Variants in CRYBG1 observed in about 807,000 individuals in gnomAD.
The protein encoded by CRYBG1 is crystallin beta-gamma domain containing 1.
In CRYBG1, 139 loss-of-function variants were observed where a neutral mutation model predicts 189.2. The observed-to-expected ratio is 0.73, with a 90% CI of 0.64 to 0.85. CRYBG1 has a LOEUF of 0.85. Among genes scored for constraint, CRYBG1 ranks in the 40% least tolerant of loss-of-function variants. The pLI, the probability that CRYBG1 is intolerant of heterozygous loss-of-function variation, is 0.00. For missense variants in CRYBG1, 2,611 were observed against 2,675.8 expected (o/e 0.98, Z 0.53); for synonymous variants, 1,023 against 1,017.1 (o/e 1.01, Z -0.11).
chr6:106,480,264 A>C (rs1189487528), intron 2 of CRYBG1, among the ~76,000 whole-genome samples: 1 of 152,118 alleles, frequency 6.6e-6, no homozygotes, highest in Non-Finnish European at 1.5e-5. Context: ...AAAGTGATGC[A>C]GGCCATAAAA....
At chr6:106,559,630 C>T (rs924288228) in intron 18 of CRYBG1, among the ~76,000 whole-genome samples, 2 of 151,822 alleles carry the variant, frequency 1.3e-5, no homozygotes, top group Admixed American at 6.6e-5. Context: ...CTAAAAAATA[C>T]AAAAATTAGC....
At chr6:106,423,091 G>A (rs1771158973) in intron 1 of CRYBG1, among the ~76,000 whole-genome samples, 3 of 152,036 alleles carry the variant, frequency 2.0e-5, no homozygotes, top group Admixed American at 2.0e-4. Flanking sequence ...TTGGTGTTAT[G>A]GAAAGAATCC....
intron 8 of CRYBG1, 119 bp from the exon 9 acceptor site, chr6:106,539,284 T>C (rs1774075766): frequency 4.3e-6 from 5 of 1,166,256 alleles, no homozygotes; most frequent in Non-Finnish European, 6.1e-6. Context: ...CAACCATTCA[T>C]TATGTAGGTC....
intron 2 of CRYBG1, among the ~76,000 whole-genome samples, chr6:106,475,865 TAA>T (rs1370624227): frequency 1.3e-5 from 2 of 152,190 alleles, no homozygotes; most frequent in African/African-American, 4.8e-5. Flanking sequence ...TCTGACATTT[TAA>T]AGAGATACAC....
intron 2 of CRYBG1, among the ~76,000 whole-genome samples, chr6:106,463,374 G>A (rs557497764): frequency 6.6e-6 from 1 of 152,050 alleles, no homozygotes; most frequent in South Asian, 2.1e-4. Flanking sequence ...GCTTTGTTTT[G>A]CACATGATGC....
At chr6:106,506,539 G>A (rs946711754) in intron 2 of CRYBG1, among the ~76,000 whole-genome samples, 3 of 127,816 alleles carry the variant, frequency 2.3e-5, no homozygotes, top group African/African-American at 5.9e-5. Flanking sequence ...TGCAACCTCC[G>A]CCTCCTGGAT....
intron 1 of CRYBG1, among the ~76,000 whole-genome samples, chr6:106,433,386 T>C (rs1401429692): frequency 6.6e-6 from 1 of 152,208 alleles, no homozygotes; most frequent in Non-Finnish European, 1.5e-5. Flanking sequence ...GTTTGAGCTC[T>C]GGTTTCCCTA....
intron 2 of CRYBG1, among the ~76,000 whole-genome samples, chr6:106,465,671 G>C (rs1249797775): frequency 6.6e-6 from 1 of 152,100 alleles, no homozygotes; most frequent in Non-Finnish European, 1.5e-5. Flanking sequence ...TCCACCTCTA[G>C]TATCTAAGAT....
chr6:106,382,766 T>G (rs1254929213), intron 1 of CRYBG1, among the ~76,000 whole-genome samples: 3 of 152,220 alleles, frequency 2.0e-5, no homozygotes, highest in Non-Finnish European at 4.4e-5. Flanking sequence ...TGTTTGGAAA[T>G]AGTTTCTGTG....
chr6:106,503,425 T>C (rs62423278), intron 2 of CRYBG1, among the ~76,000 whole-genome samples: 29,310 of 152,280 alleles, frequency 0.19, 3,413 homozygotes, highest in South Asian at 0.3. Context: ...GGAGAAAGCA[T>C]GTAAGCCATG....
intron 16 of CRYBG1, 131 bp from the exon 17 acceptor site, chr6:106,555,637 T>C: frequency 8.9e-7 from 1 of 1,120,924 alleles, no homozygotes; most frequent in Non-Finnish European, 1.3e-6. Context: ...CAAATATTTT[T>C]GAAGAAAGAA....
chr6:106,512,289 A>T lies in CRYBG1; in HGVS notation c.1172A>T (p.Asp391Val), dbSNP rs1773289118. The T allele has an allele frequency of 6.3e-7, 1 of 1,581,594 alleles. No homozygotes were observed. The stretch of plus-strand genomic sequence containing the variant: ...AGTAAGACTGAGGGGGCACAAGTGG[A>T]CGAGCCGGTCGTGATTACTCCCAGA... ...YLSKTEGAQVDEPVVITPRAE... is the reference protein window; with the variant it reads ...YLSKTEGAQVVEPVVITPRAE... The change falls in exon 3 of 22, where the codon GAC becomes GTC. Residue 391 changes from aspartate to valine, a missense_variant. Physicochemically the swap from Asp to Val is radical, Grantham distance 152. Coordinates refer to ENST00000633556, the MANE Select transcript of CRYBG1 (RefSeq NM_001371242.2).
intron 8 of CRYBG1, among the ~76,000 whole-genome samples, chr6:106,531,152 T>C (rs1344445901): frequency 6.6e-6 from 1 of 152,226 alleles, no homozygotes; most frequent in African/African-American, 2.4e-5. Context: ...AATAAGGCAC[T>C]CCTTAATCAT....
At position 106,543,585 on chromosome 6, in the gene CRYBG1, T is replaced by A; in HGVS notation, c.5027T>A (p.Val1676Asp). 1 of 1,613,748 alleles carries A rather than the reference T, an allele frequency of 6.2e-7. No homozygotes were observed. The highest frequency in any genetic ancestry group is 1.3e-5 in the African/African-American group (1 of 75,014). ...TTTACGTCAGTGGGGTCTATGAAAG[T>A]TCTAAGAGGCATGTAAGTACATGGG... ...LPFTSVGSMK[V>D]LRGIWVAYEK... Residue 1676 changes from valine to aspartate, a missense_variant, in exon 11 of 22, where the codon GTT (valine) becomes GAT (aspartate). Val to Asp is a radical substitution (Grantham distance 152). Transcript: ENST00000633556.
At chr6:106,391,962 TGTGTGTGTGC>T (rs1289627172) in intron 1 of CRYBG1, among the ~76,000 whole-genome samples, 2,233 of 58,770 alleles carry the variant, frequency 0.038, 67 homozygotes, top group African/African-American at 0.15. Context: ...TGTGTGTGTG[TGTGTGTGTGC>T]GTGCGCGTTT....
At chr6:106,456,258 A>G (rs1340851832) in intron 2 of CRYBG1, among the ~76,000 whole-genome samples, 1 of 151,876 alleles carries the variant, frequency 6.6e-6, no homozygotes, top group East Asian at 1.9e-4. Flanking sequence ...GGTTCAAACA[A>G]TTCTGCTGCC....
At position 106,512,664 on chromosome 6, in the gene CRYBG1, A is replaced by G. The variant is rs1169328069; in HGVS notation, c.1547A>G (p.Lys516Arg). 7 of 1,575,574 alleles carry G rather than the reference A, an allele frequency of 4.4e-6. No homozygotes were observed. In the African/African-American group the frequency reaches 6.7e-5, roughly 15 times the overall value. Reference sequence around the variant, plus strand: ...CCGGCTTCGTCCCCCACGAAGAGGAAGGGCAGGAGCCGTGCCCTCGAGGCC... The same window carrying G: ...CCGGCTTCGTCCCCCACGAAGAGGAGGGGCAGGAGCCGTGCCCTCGAGGCC... ...PPPASSPTKR[K>R]GRSRALEAVP... Residue 516 changes from lysine (K) to arginine (R), a missense_variant, in exon 3 of 22, where the codon AAG becomes AGG. Around this residue, in one of 3 missense-constraint regions of CRYBG1, gnomAD observed 985 missense variants for 924.4 expected, o/e 1.07. Transcript: ENST00000633556.
At chr6:106,525,427 G>A in intron 6 of CRYBG1, 41 bp downstream of exon 6, 2 of 1,497,036 alleles carry the variant, frequency 1.3e-6, no homozygotes, top group East Asian at 2.3e-5. Flanking sequence ...AAGTGTTTGA[G>A]TTTTACATAC....
intron 1 of CRYBG1, among the ~76,000 whole-genome samples, chr6:106,450,216 CAAAAA>C (rs35161258): frequency 8.9e-6 from 1 of 111,832 alleles, no homozygotes; most frequent in Non-Finnish European, 1.9e-5. Flanking sequence ...GACTCTGTCT[CAAAAA>C]AAAAAAAAAA....
Sources: allele counts gnomAD v4.1 joint callset (sites outside exome capture counted in the v4.1 genomes callset), GRCh38; gene constraint gnomAD v4.1.1; regional missense constraint gnomAD v4.1.1; transcripts MANE v1.5; gene names NCBI Gene and HGNC (gene_info 2026-07-23, HGNC 2026-07-21).